Variants in ERBB4 observed in about 807,000 individuals in gnomAD.
ERBB4 encodes the protein erb-b2 receptor tyrosine kinase 4, also known as receptor tyrosine-protein kinase erbB-4.
ERBB4 carries 42 observed loss-of-function variants against 158.0 expected under a neutral mutation model. The observed-to-expected ratio is 0.27, with a 90% CI of 0.21 to 0.34. The LOEUF (loss-of-function observed/expected upper bound fraction) is 0.34, where lower values mean the gene tolerates loss of function less well. ERBB4 is among the 10% of genes least tolerant of loss of function. The pLI, the probability that ERBB4 is intolerant of heterozygous loss-of-function variation, is 1.00. For missense variants in ERBB4, 1,333 were observed against 1,624.1 expected, an observed-to-expected ratio of 0.82 and a Z score of 3.08; for synonymous variants, 583 against 558.7, an observed-to-expected ratio of 1.04 and a Z score of -0.61.
At chr2:211,401,252 T>A (rs1375135418) in intron 25 of ERBB4, among the ~76,000 whole-genome samples, 1 of 152,056 alleles carries the variant, frequency 6.6e-6, no homozygotes, top group African/African-American at 2.4e-5. Context: ...GATCTAACAG[T>A]AGAGATTATG....
chr2:212,419,369 C>A (rs144853762), intron 1 of ERBB4, among the ~76,000 whole-genome samples: 77 of 151,858 alleles, frequency 5.1e-4, no homozygotes, highest in African/African-American at 1.8e-3. Context: ...TTGCAGACAT[C>A]CATTAAATTG....
chr2:211,905,867 G>C (rs2079379211), intron 3 of ERBB4, among the ~76,000 whole-genome samples: 1 of 150,564 alleles, frequency 6.6e-6, no homozygotes, highest in Admixed American at 6.7e-5. Flanking sequence ...AGTTTATGGG[G>C]GACAATTTCA....
intron 12 of ERBB4, among the ~76,000 whole-genome samples, chr2:211,688,415 T>A (rs1574988426): frequency 6.6e-6 from 1 of 152,288 alleles, no homozygotes; most frequent in African/African-American, 2.4e-5. Context: ...ATACTGTGGC[T>A]TAAAATCTCT....
At chr2:212,112,398 G>T (rs896282998) in intron 2 of ERBB4, among the ~76,000 whole-genome samples, 1 of 151,400 alleles carries the variant, frequency 6.6e-6, no homozygotes, top group Non-Finnish European at 1.5e-5. Context: ...AAATTTTGTG[G>T]CTCTACTGAG....
rs1022870937 is a variant in ERBB4, at chr2:212,178,845, C to T, written c.83-53942G>A. 1.5e-4 allele frequency among the ~76,000 whole-genome samples: 22 copies of T among 151,342 alleles called. No homozygotes were observed. The Admixed American group carries it at 1.5e-3, about 10-fold the overall frequency. On this transcript the variant is annotated intron_variant, in intron 1 of 27. Transcript: ENST00000342788. ...ATAATTTAAAAATACATAAAAAATC[C>T]TCTTGCTTAGAAAAAAAATTATAGT...
intron 20 of ERBB4, among the ~76,000 whole-genome samples, chr2:211,523,967 G>A (rs548282295): frequency 1.0e-3 from 156 of 152,096 alleles, no homozygotes; most frequent in African/African-American, 3.6e-3. Flanking sequence ...TACCAGATTA[G>A]CTAGATACAG....
chr2:211,523,976 A>T (rs780498859), intron 20 of ERBB4, among the ~76,000 whole-genome samples: 6 of 152,082 alleles, frequency 3.9e-5, no homozygotes, highest in Non-Finnish European at 5.9e-5. Context: ...AGCTAGATAC[A>T]GAATGTTGAC....
chr2:212,150,945 T>C (rs1469308633), intron 1 of ERBB4, among the ~76,000 whole-genome samples: 1 of 152,122 alleles, frequency 6.6e-6, no homozygotes, highest in African/African-American at 2.4e-5. Context: ...ATAATGACAG[T>C]AATACTGGCC....
At chr2:212,433,234 C>A (rs1022764815) in intron 1 of ERBB4, among the ~76,000 whole-genome samples, 14 of 151,948 alleles carry the variant, frequency 9.2e-5, no homozygotes, top group Non-Finnish European at 1.5e-4. Context: ...CACTAACTGA[C>A]ATTTTTACAA....
intron 3 of ERBB4, among the ~76,000 whole-genome samples, chr2:211,845,421 T>A (rs11892696): frequency 6.6e-6 from 1 of 151,982 alleles, no homozygotes; most frequent in Admixed American, 6.6e-5. Context: ...TGGCTGAGTA[T>A]TATTCCCAGA....
chr2:212,392,264 A>G (rs2090899470), intron 1 of ERBB4, among the ~76,000 whole-genome samples: 1 of 151,960 alleles, frequency 6.6e-6, no homozygotes, highest in Non-Finnish European at 1.5e-5. Context: ...GTCATGCCTC[A>G]ATTACATGGT....
chr2:211,506,457 C>CT (rs61387374), intron 20 of ERBB4, among the ~76,000 whole-genome samples: 14,558 of 151,838 alleles, frequency 0.096, 833 homozygotes, highest in Middle Eastern at 0.16. Context: ...ACAGAGTATC[C>CT]TTTTTTTTCT....
At chr2:212,359,071 A>C (rs2089580078) in intron 1 of ERBB4, among the ~76,000 whole-genome samples, 1 of 151,800 alleles carries the variant, frequency 6.6e-6, no homozygotes, top group South Asian at 2.1e-4. Context: ...AAACCAATGC[A>C]ACATCATATT....
chr2:212,027,421 T>A (rs895383633), intron 2 of ERBB4, among the ~76,000 whole-genome samples: 4 of 152,048 alleles, frequency 2.6e-5, no homozygotes, highest in Non-Finnish European at 5.9e-5. Context: ...TTAGCTTAAT[T>A]ATAGGTTTTC....
At chr2:211,796,143 G>C (rs1045580839) in intron 3 of ERBB4, among the ~76,000 whole-genome samples, 1 of 151,830 alleles carries the variant, frequency 6.6e-6, no homozygotes, top group Non-Finnish European at 1.5e-5. Flanking sequence ...CACCACAGCA[G>C]CCTTCCTCAT....
At chr2:211,919,252 G>C (rs574176761) in intron 3 of ERBB4, among the ~76,000 whole-genome samples, 1 of 152,006 alleles carries the variant, frequency 6.6e-6, no homozygotes, top group Admixed American at 6.6e-5. Flanking sequence ...AGGTTTCCAA[G>C]CTCCTTCCAA....
At chr2:212,080,076 C>G (rs1478167565) in intron 2 of ERBB4, among the ~76,000 whole-genome samples, 1 of 151,682 alleles carries the variant, frequency 6.6e-6, no homozygotes, top group Non-Finnish European at 1.5e-5. Context: ...ACCTGTAATC[C>G]CAGCACTTTG....
At chr2:211,390,978 G>A (rs998212498) in intron 25 of ERBB4, among the ~76,000 whole-genome samples, 2 of 151,866 alleles carry the variant, frequency 1.3e-5, no homozygotes, top group African/African-American at 2.4e-5. Flanking sequence ...TCACTTCCCC[G>A]TGGAAGGGCA....
intron 2 of ERBB4, among the ~76,000 whole-genome samples, chr2:212,095,946 GAA>G (rs35084866): frequency 7.7e-6 from 1 of 130,176 alleles, no homozygotes; most frequent in African/African-American, 2.9e-5. Flanking sequence ...AAAAAAAAAA[GAA>G]AAAAAAAAAA....
Sources: allele counts gnomAD v4.1 joint callset (sites outside exome capture counted in the v4.1 genomes callset), GRCh38; gene constraint gnomAD v4.1.1; transcripts MANE v1.5; gene names NCBI Gene and HGNC (gene_info 2026-07-23, HGNC 2026-07-21).